ADCY6: variants seen among roughly 807,000 people sequenced by gnomAD.
ADCY6 encodes adenylate cyclase type 6.
A neutral mutation model predicts 111.6 loss-of-function variants in ADCY6; 59 were observed. The ratio of observed to expected loss-of-function variants is 0.53; its 90% confidence interval spans 0.43 to 0.66. The LOEUF is 0.66. Ranked by LOEUF, ADCY6 falls within the 30% of genes least tolerant of loss-of-function variation. The pLI, the probability that ADCY6 is intolerant of heterozygous loss-of-function variation, is 0.00. For synonymous variants in ADCY6, 576 were observed against 642.9 expected (o/e 0.90, Z 1.57); for missense variants, 1,242 against 1,595.6 (o/e 0.78, Z 3.78).
rs748548733 is a variant in ADCY6 at position 48,770,977 on chromosome 12, A to G, written c.3052-7T>C. 1 of 1,612,706 alleles carries G rather than the reference A, an allele frequency of 6.2e-7. No homozygotes were observed. The highest frequency in any genetic ancestry group is 1.1e-5 in the South Asian group (1 of 91,042). Reference sequence around the variant, plus strand: ...ACCGCTCCTCGCTGATAATCTGAACAACACAAGGAGACCTGGCTGTCAAGG... The same window carrying G: ...ACCGCTCCTCGCTGATAATCTGAACGACACAAGGAGACCTGGCTGTCAAGG... On this transcript the variant is annotated splice_region_variant and splice_polypyrimidine_tract_variant and intron_variant, in intron 19 of 21. Coordinates refer to ENST00000357869, the MANE Select transcript of ADCY6 (RefSeq NM_015270.5).
At chr12:48,773,293 C>A (rs1314553381) in intron 16 of ADCY6, among the ~76,000 whole-genome samples, 176 bp downstream of exon 16, 1 of 151,846 alleles carries the variant, frequency 6.6e-6, no homozygotes, top group East Asian at 1.9e-4. Context: ...CTAGGGTTTC[C>A]TTGGGGGTAA....
At chr12:48,785,415 T>C (rs1266710272) in intron 1 of ADCY6, among the ~76,000 whole-genome samples, 2 of 151,974 alleles carry the variant, frequency 1.3e-5, no homozygotes, top group African/African-American at 2.4e-5. Flanking sequence ...AGGTCAGGAG[T>C]TCGAGACCAG....
Position 48,775,426 on chromosome 12 carries a change from G to A in ADCY6, c.1857C>T (p.Asn619=). Reference sequence around the variant, plus strand: ...GGAACTCATCCACCTCATCCTCAGGGTTCAGGGCATCTTGGGTGCCCCGGC... The same window carrying A: ...GGAACTCATCCACCTCATCCTCAGGATTCAGGGCATCTTGGGTGCCCCGGC... ...KDNRGTQDAL[N]PEDEVDEFLS... is the part of the protein sequence containing the mutation. Residue 619 remains asparagine, a synonymous_variant, in exon 11 of 22, where the codon AAC becomes AAT. Coordinates refer to ENST00000357869, the MANE Select transcript of ADCY6 (RefSeq NM_015270.5). 1 of 1,614,124 alleles carries A rather than the reference G, an allele frequency of 6.2e-7. No individual in the cohort carries two copies. Among genetic ancestry groups the A allele is most frequent in the Non-Finnish European group, 8.5e-7 (1 of 1,180,024 alleles).
intron 2 of ADCY6, among the ~76,000 whole-genome samples, chr12:48,781,565 T>C (rs754618765): frequency 6.6e-6 from 1 of 152,162 alleles, no homozygotes; most frequent in Non-Finnish European, 1.5e-5. Flanking sequence ...CTGGGTACCA[T>C]GCCTTCCAGC....
At position 48,780,321 on chromosome 12, in the gene ADCY6, C is replaced by G. The variant is rs970687979; in HGVS notation, c.865-2064G>C. 2.0e-5 allele frequency among the ~76,000 whole-genome samples: 3 copies of G among 152,270 alleles called. No homozygotes were observed. The East Asian group carries it at 5.8e-4, about 29-fold the overall frequency. On this transcript the variant is annotated intron_variant, in intron 2 of 21. Coordinates refer to ENST00000357869, the MANE Select transcript of ADCY6 (RefSeq NM_015270.5). ...TGAGTGGGTCGGTAGGGGACAAAGTCTCCTTCCTGTGATTGTGAGTAGGGG... is the reference window on the plus strand; with the variant it reads ...TGAGTGGGTCGGTAGGGGACAAAGTGTCCTTCCTGTGATTGTGAGTAGGGG...
chr12:48,775,906 G>C (rs1370613926), intron 9 of ADCY6, 57 bp downstream of exon 9: 1 of 1,560,572 alleles, frequency 6.4e-7, no homozygotes, highest in Non-Finnish European at 8.7e-7. Flanking sequence ...GTCAGGGACA[G>C]GGTATTGAGG....
chr12:48,788,251 C>T (rs1942017482), intron 1 of ADCY6, among the ~76,000 whole-genome samples: 1 of 152,180 alleles, frequency 6.6e-6, no homozygotes, highest in African/African-American at 2.4e-5. Context: ...CCACATCACC[C>T]TTTACTATGC....
chr12:48,784,410 G>A (rs1303764248), intron 1 of ADCY6, among the ~76,000 whole-genome samples: 5 of 152,058 alleles, frequency 3.3e-5, no homozygotes, highest in Admixed American at 2.0e-4. Context: ...AGAGAACCAC[G>A]ATTCTAAACC....
chr12:48,773,090 AAAAGCCAGTGTGGTGTCCCAGGC>A (rs1302665443), intron 16 of ADCY6, among the ~76,000 whole-genome samples: 3 of 152,188 alleles, frequency 2.0e-5, no homozygotes, highest in African/African-American at 4.8e-5. Context: ...TTTGCAGAGG[AAAAGCCAGTGTGGTGTCCCAGGC>A]AAAGCCCCCA....
chr12:48,783,603 G>C (rs1202594484), intron 1 of ADCY6, 165 bp from the exon 2 acceptor site: 21 of 1,443,540 alleles, frequency 1.5e-5, no homozygotes, highest in Non-Finnish European at 1.9e-5. Context: ...GGCAACAAGG[G>C]TATCCCCAAT....
Position 48,768,409 on chromosome 12 carries a change from C to T in ADCY6, c.*182G>A. 9.9e-6 allele frequency: 8 copies of T among 805,630 alleles called. No homozygotes were observed. In the South Asian group the frequency reaches 1.3e-4, roughly 13 times the overall value. The allele number at this position is 805,630 out of a possible 1,614,324, so 49.9% of individuals were successfully genotyped here. A position where few individuals can be genotyped will look rare whatever the true frequency, so the allele number is the denominator to read the frequency against. ...CTTGCATAATCCTCTCGGTAGGTAG[C>T]CCCTTGTTTTCCAGCTTGAGGGCAG... On this transcript the variant is annotated 3_prime_UTR_variant, in exon 22 of 22. Transcript: ENST00000357869.
In ADCY6 at chr12:48,771,038, T is replaced by C; in HGVS notation, c.3052-68A>G. ...AGACCCAGCCCTGCCCCAACACTCA[T>C]TTCTTGCCACGCCTTGGCTGCCTTC... On this transcript the variant is annotated intron_variant, in intron 19 of 21. Transcript: ENST00000357869. This position sits in a 1 kb window ranked among gnomAD's most constrained non-coding sequence, Gnocchi z 4.3. 6.6e-7 allele frequency: 1 copy of C among 1,515,880 alleles called. No individual in the cohort carries two copies. Among genetic ancestry groups the C allele is most frequent in the Non-Finnish European group, 9.0e-7 (1 of 1,108,736 alleles). 93.9% of individuals were successfully genotyped at this position (1,515,880 alleles called of 1,614,324 possible).
upstream of ADCY6, chr12:48,789,880 A>AC (rs1942053684): frequency 6.7e-6 from 1 of 148,334 alleles, no homozygotes; most frequent in Non-Finnish European, 1.5e-5. Flanking sequence ...TTGCAGCCTC[A>AC]CCCCCAGGCA....
Position 48,770,943 on chromosome 12 carries a change from G to A in ADCY6, c.3079C>T (p.Leu1027=), listed in dbSNP as rs765155610. The change falls in exon 20 of 22, where the codon CTG becomes TTG. Residue 1027 remains leucine (L), a synonymous_variant. Coordinates refer to ENST00000357869, the MANE Select transcript of ADCY6 (RefSeq NM_015270.5). The part of the protein sequence containing the change: ...EIISEERFRQ[L]EKIKTIGSTY... ...CTACCAATCGTCTTGATCTTTTCCA[G>A]CTGCCGGAACCGCTCCTCGCTGATA... is the stretch of plus-strand genomic sequence containing the variant. 2.5e-6 allele frequency: 4 copies of A among 1,614,120 alleles called. No homozygotes were observed. The highest frequency in any genetic ancestry group is 4.5e-5 in the East Asian group (2 of 44,892).
At chr12:48,788,856 G>C (rs1942030864) in intron 1 of ADCY6, 50 bp downstream of exon 1, 1 of 151,796 alleles carries the variant, frequency 6.6e-6, no homozygotes, top group South Asian at 2.1e-4. Context: ...TCCAATCCTG[G>C]CGCACCGGGA....
rs749597485 is a variant in ADCY6 at position 48,773,573 on chromosome 12, C to T, written c.2517G>A (p.Leu839=). 6.2e-7 allele frequency: 1 copy of T among 1,614,112 alleles called. No homozygotes were observed. Among genetic ancestry groups the T allele is most frequent in the East Asian group, 2.2e-5 (1 of 44,888 alleles). The change falls in exon 16 of 22, where the codon TTG becomes TTA. Residue 839 remains leucine, a synonymous_variant. Coordinates refer to ENST00000357869, the MANE Select transcript of ADCY6 (RefSeq NM_015270.5). ...VFLHISSIGK[L]AMIFVLGLIY... is the part of the protein sequence containing the mutation. Reference sequence around the variant, plus strand: ...TGAGCCCCAAGACAAAGATCATGGCCAACTTCCCGATGCTGCTGATGTGCA... The same window carrying T: ...TGAGCCCCAAGACAAAGATCATGGCTAACTTCCCGATGCTGCTGATGTGCA...
chr12:48,772,359 G>A lies in ADCY6; in HGVS notation c.2723C>T (p.Ala908Val), dbSNP rs369549362. 52 of 1,614,042 alleles carry A rather than the reference G, an allele frequency of 3.2e-5. No individual in the cohort carries two copies. Among genetic ancestry groups the A allele is most frequent in the Admixed American group, 1.0e-4 (6 of 59,994 alleles). ...TPVILLVFAL[A>V]LYLHAQQVES... ...CACCTGCTGAGCATGCAGATACAGCGCCAGCGCAAACACCAGCAGAATCAC... is the reference window on the plus strand; with the variant it reads ...CACCTGCTGAGCATGCAGATACAGCACCAGCGCAAACACCAGCAGAATCAC... Residue 908 changes from alanine to valine, a missense_variant, in exon 18 of 22, where the codon GCG becomes GTG. Coordinates refer to ENST00000357869, the MANE Select transcript of ADCY6 (RefSeq NM_015270.5).
At chr12:48,788,186 C>A (rs1353551528) in intron 1 of ADCY6, among the ~76,000 whole-genome samples, 1 of 152,192 alleles carries the variant, frequency 6.6e-6, no homozygotes, top group Non-Finnish European at 1.5e-5. Flanking sequence ...CCAGTGCCCG[C>A]TGCCGCCTTC....
chr12:48,769,009 C>T lies in ADCY6; in HGVS notation c.3309G>A (p.Gln1103=), dbSNP rs1941450852. The change falls in exon 21 of 22, where the codon CAG becomes CAA. Residue 1103 remains glutamine, a synonymous_variant. Transcript: ENST00000357869. The part of the protein sequence containing the change: ...VAGVIGARKP[Q]YDIWGNTVNV... ...TCACTGTGTTCCCCCAGATGTCATA[C>T]TGTGGCTTCCGAGCCCCGATGACAC... The T allele has an allele frequency of 2.5e-6, 4 of 1,613,966 alleles. No homozygotes were observed. The highest frequency in any genetic ancestry group is 2.5e-6 in the Non-Finnish European group (3 of 1,179,932).
Sources: allele counts gnomAD v4.1 joint callset (sites outside exome capture counted in the v4.1 genomes callset), GRCh38; gene constraint gnomAD v4.1.1; non-coding constraint Gnocchi (gnomAD v3.1); transcripts MANE v1.5; gene names NCBI Gene and HGNC (gene_info 2026-07-23, HGNC 2026-07-21).